The following JAKMIP2 variants were observed in gnomAD, a reference collection of about 807,000 sequenced individuals.
JAKMIP2 encodes the protein janus kinase and microtubule interacting protein 2, also known as janus kinase and microtubule-interacting protein 2.
JAKMIP2 carries 25 observed loss-of-function variants against 115.0 expected under a neutral mutation model. That is an observed-to-expected ratio of 0.22 (90% CI 0.16 to 0.30). The LOEUF is 0.30. Among genes scored for constraint, JAKMIP2 ranks in the 10% least tolerant of loss-of-function variants. JAKMIP2 has a pLI of 1.00. For missense variants in JAKMIP2, 642 were observed against 957.6 expected (o/e 0.67, Z 4.35); for synonymous variants, 334 against 343.6 (o/e 0.97, Z 0.31).
At chr5:147,700,360 C>T (rs1752275849) in intron 1 of JAKMIP2, among the ~76,000 whole-genome samples, 1 of 151,832 alleles carries the variant, frequency 6.6e-6, no homozygotes, top group Non-Finnish European at 1.5e-5. Context: ...AGGTTAGATA[C>T]AGATAAAGAG....
At chr5:147,715,845 C>CA (rs1441577655) in intron 1 of JAKMIP2, among the ~76,000 whole-genome samples, 2 of 138,336 alleles carry the variant, frequency 1.4e-5, no homozygotes, top group African/African-American at 2.6e-5. Flanking sequence ...AATTTACTTT[C>CA]TTTTTTTTTT....
At chr5:147,747,151 A>G (rs1281336672) in intron 1 of JAKMIP2, among the ~76,000 whole-genome samples, 3 of 152,058 alleles carry the variant, frequency 2.0e-5, no homozygotes, top group African/African-American at 4.8e-5. Context: ...AAAAACCAAG[A>G]TTCCTTTAAA....
intron 4 of JAKMIP2, among the ~76,000 whole-genome samples, chr5:147,649,366 A>T (rs1386937377): frequency 6.6e-6 from 1 of 152,198 alleles, no homozygotes; most frequent in East Asian, 1.9e-4. Context: ...ACCATGCTCA[A>T]CATTTTACAT....
In JAKMIP2 at chr5:147,665,650, T is replaced by C. The variant is rs191729512; in HGVS notation, c.130-4205A>G. Among the ~76,000 whole-genome samples, 426 of 152,334 alleles carry C rather than the reference T, an allele frequency of 2.8e-3. 5 individuals carry two copies. Among genetic ancestry groups the C allele is most frequent in the African/African-American group, 9.6e-3 (398 of 41,574 alleles). The stretch of plus-strand genomic sequence containing the variant: ...CACTATTTGCTATCTCTAAGAAAGT[T>C]GCTTTATCCTTCTGAGGATTTTTGA... On this transcript the variant is annotated intron_variant, in intron 2 of 21. Transcript: ENST00000616793.
chr5:147,673,209 C>A (rs1759727726), intron 1 of JAKMIP2, among the ~76,000 whole-genome samples: 1 of 152,086 alleles, frequency 6.6e-6, no homozygotes, highest in African/African-American at 2.4e-5. Flanking sequence ...TTTACAAATT[C>A]TTGAATACTT....
chr5:147,682,036 T>A (rs1462515474), intron 1 of JAKMIP2, among the ~76,000 whole-genome samples: 2 of 116,336 alleles, frequency 1.7e-5, no homozygotes, highest in Non-Finnish European at 3.3e-5. Context: ...TGAAACTCTG[T>A]TTCAAAAAAA....
intron 1 of JAKMIP2, among the ~76,000 whole-genome samples, chr5:147,776,764 C>T (rs1561589233): frequency 6.6e-6 from 1 of 152,030 alleles, no homozygotes; most frequent in Non-Finnish European, 1.5e-5. Context: ...CTCGTCTCTA[C>T]TAAAAATACA....
At chr5:147,759,424 T>TTAA (rs1431563730) in intron 1 of JAKMIP2, among the ~76,000 whole-genome samples, 1 of 152,102 alleles carries the variant, frequency 6.6e-6, no homozygotes, top group Non-Finnish European at 1.5e-5. Flanking sequence ...TCTAGAGCAT[T>TTAA]TATGCACAAA....
At position 147,620,705 on chromosome 5, in the gene JAKMIP2, T is replaced by C. The variant is rs762962033; in HGVS notation, c.2103A>G (p.Glu701=). 5.6e-6 allele frequency: 9 copies of C among 1,613,752 alleles called. No homozygotes were observed. The highest frequency in any genetic ancestry group is 1.1e-5 in the South Asian group (1 of 91,074). The change falls in exon 18 of 22, where the codon GAA becomes GAG. Residue 701 remains glutamate (E), a synonymous_variant. Transcript: ENST00000616793. ...CAAGAGCTTGTTTTCTGTAGTCTAG[T>C]TCTTCCTCCAGATAGCCTTTTATTT... ...FCKIKGYLEE[E]LDYRKQALDQ...
rs753847180 is a variant in JAKMIP2 at position 147,591,695 on chromosome 5, CA to C, written c.*21-10del. On this transcript the variant is annotated splice_polypyrimidine_tract_variant and intron_variant, in intron 21 of 21. Coordinates refer to ENST00000616793, the MANE Select transcript of JAKMIP2 (RefSeq NM_001270941.2). Reference sequence around the variant, plus strand: ...CCATGTTTTCGGTTACTCTGCAAAACAGAGGAAAAAAATTATTTATATATCA... The same window carrying C: ...CCATGTTTTCGGTTACTCTGCAAAACGAGGAAAAAAATTATTTATATATCA... 24 of 1,543,370 alleles carry C rather than the reference CA, an allele frequency of 1.6e-5. No individual in the cohort carries two copies. The highest frequency in any genetic ancestry group is 1.8e-5 in the Non-Finnish European group (20 of 1,128,504).
chr5:147,676,148 G>A (rs1012102649), intron 1 of JAKMIP2, among the ~76,000 whole-genome samples: 4 of 152,108 alleles, frequency 2.6e-5, no homozygotes, highest in South Asian at 4.2e-4. Context: ...GCTGGCTAAC[G>A]CGGTGAAACC....
At chr5:147,625,469 C>T (rs1757053277) in intron 16 of JAKMIP2, among the ~76,000 whole-genome samples, 1 of 152,154 alleles carries the variant, frequency 6.6e-6, no homozygotes, top group African/African-American at 2.4e-5. Context: ...CACATGGTTT[C>T]CCCTTGAAAC....
At chr5:147,741,364 A>G (rs942117953) in intron 1 of JAKMIP2, among the ~76,000 whole-genome samples, 2 of 152,148 alleles carry the variant, frequency 1.3e-5, no homozygotes, top group African/African-American at 2.4e-5. Context: ...TCTTTCTTTG[A>G]GAGAGTACAA....
chr5:147,743,921 A>G (rs894421800), intron 1 of JAKMIP2, among the ~76,000 whole-genome samples: 11 of 151,924 alleles, frequency 7.2e-5, no homozygotes, highest in Admixed American at 6.6e-4. Context: ...CCTCCCCTGC[A>G]GCACTCAGCT....
chr5:147,769,317 C>T (rs537720338), intron 1 of JAKMIP2, among the ~76,000 whole-genome samples: 71 of 152,218 alleles, frequency 4.7e-4, no homozygotes, highest in South Asian at 2.7e-3. Flanking sequence ...ATCTAAACTA[C>T]GGAGAGGGCG....
chr5:147,749,972 C>T (rs529363245), intron 1 of JAKMIP2, among the ~76,000 whole-genome samples: 2 of 152,214 alleles, frequency 1.3e-5, no homozygotes, highest in Admixed American at 1.3e-4. Context: ...ATAATATTTC[C>T]CTTTTAGGTT....
At chr5:147,681,887 C>T (rs1005407359) in intron 1 of JAKMIP2, among the ~76,000 whole-genome samples, 1 of 151,780 alleles carries the variant, frequency 6.6e-6, no homozygotes, top group African/African-American at 2.4e-5. Flanking sequence ...ACAAAAAATA[C>T]AAAAAATTAG....
intron 1 of JAKMIP2, among the ~76,000 whole-genome samples, chr5:147,713,616 T>G (rs1279988614): frequency 3.9e-5 from 6 of 152,056 alleles, no homozygotes; most frequent in Non-Finnish European, 8.8e-5. Context: ...TTAAAAAGCA[T>G]TAAAGAACAC....
At chr5:147,738,340 A>G (rs921734767) in intron 1 of JAKMIP2, among the ~76,000 whole-genome samples, 10 of 152,192 alleles carry the variant, frequency 6.6e-5, no homozygotes, top group Admixed American at 3.9e-4. Flanking sequence ...TTTGAATTCC[A>G]TATCTTCATC....
Sources: gnomAD v4.1 joint callset for allele counts (sites outside exome capture counted in the v4.1 genomes callset) on GRCh38, gnomAD v4.1.1 for gene constraint, MANE v1.5 for transcripts, NCBI Gene and HGNC (gene_info 2026-07-23, HGNC 2026-07-21) for gene names.